The following PRPF31 variants were observed in gnomAD, a reference collection of about 807,000 sequenced individuals.
The protein encoded by PRPF31 is U4/U6 small nuclear ribonucleoprotein Prp31.
PRPF31 carries 12 observed loss-of-function variants against 60.4 expected under a neutral mutation model. The observed-to-expected ratio is 0.20, with a 90% CI of 0.13 to 0.32. The LOEUF is 0.32. Among genes scored for constraint, PRPF31 ranks in the 10% least tolerant of loss-of-function variants. The pLI is 1.00. For missense variants in PRPF31, 431 were observed against 687.1 expected (o/e 0.63, Z 4.17); for synonymous variants, 287 against 287.9 (o/e 1.00, Z 0.03).
chr19:54,115,847 G>C (rs1368057067), intron 1 of PRPF31, 50 bp downstream of exon 1: 2 of 205,474 alleles, frequency 9.7e-6, no homozygotes, highest in Non-Finnish European at 2.0e-5. Context: ...TCCTGGGTCT[G>C]GGAGAAGAAG....
Position 54,126,732 on chromosome 19 carries a change from G to A in PRPF31, c.945+115G>A, listed in dbSNP as rs587731779. On this transcript the variant is annotated intron_variant, in intron 9 of 13. Coordinates refer to ENST00000321030, the MANE Select transcript of PRPF31 (RefSeq NM_015629.4). Reference sequence around the variant, plus strand: ...CCAGCGAGCACTGTCCTACCAAGGCGGAGGCAGTGCTTCTGCCCACCCTCC... The same window carrying A: ...CCAGCGAGCACTGTCCTACCAAGGCAGAGGCAGTGCTTCTGCCCACCCTCC... 1.3e-4 allele frequency: 138 copies of A among 1,069,236 alleles called. 1 individual carries two copies. The highest frequency in any genetic ancestry group is 7.3e-4 in the Middle Eastern group (3 of 4,106). 66.2% of individuals were successfully genotyped at this position (1,069,236 alleles called of 1,614,324 possible).
At chr19:54,122,469 C>T (rs376622460) in intron 4 of PRPF31, 28 bp from the exon 5 acceptor site, 34 of 1,559,802 alleles carry the variant, frequency 2.2e-5, no homozygotes, top group African/African-American at 2.0e-4. Context: ...CCATCTCACC[C>T]GACAACCTCC....
At chr19:54,121,985 C>T (rs1002127843) in intron 4 of PRPF31, 42 bp downstream of exon 4, 1 of 1,548,226 alleles carries the variant, frequency 6.5e-7, no homozygotes. Flanking sequence ...CGTGTGACGT[C>T]CCTCACGCCC....
At chr19:54,126,801 G>C (rs2073933100) in intron 9 of PRPF31, among the ~76,000 whole-genome samples, 184 bp downstream of exon 9, 1 of 152,194 alleles carries the variant, frequency 6.6e-6, no homozygotes, top group Non-Finnish European at 1.5e-5. Context: ...TCCTAGGTCT[G>C]CTGTTGGAAG....
intron 8 of PRPF31, among the ~76,000 whole-genome samples, chr19:54,126,231 A>C (rs1306887252): frequency 6.6e-6 from 1 of 152,222 alleles, no homozygotes; most frequent in Non-Finnish European, 1.5e-5. Flanking sequence ...GCTGGCATCC[A>C]GGCCGAGTGC....
At chr19:54,118,902 C>T in intron 3 of PRPF31, 2 of 530,816 alleles carry the variant, frequency 3.8e-6, no homozygotes, top group East Asian at 3.0e-5. Flanking sequence ...ATTCACATGA[C>T]CGGTTACAGG....
chr19:54,118,659 C>T lies in PRPF31; in HGVS notation c.238+26C>T, dbSNP rs780742129. On this transcript the variant is annotated intron_variant, in intron 3 of 13. Transcript: ENST00000321030. ...GTGCTTCCTCCCACTCTGTGCCCCT[C>T]CCCATCTCCTGTCTCTCCTGCCAGG... 10 of 1,612,062 alleles carry T rather than the reference C, an allele frequency of 6.2e-6. No individual in the cohort carries two copies. In the South Asian group the frequency reaches 9.9e-5, roughly 16 times the overall value.
intron 1 of PRPF31, among the ~76,000 whole-genome samples, chr19:54,116,402 C>T (rs1454860365): frequency 6.6e-6 from 1 of 151,934 alleles, no homozygotes. Flanking sequence ...GACGGGGTTT[C>T]ACTATGTTGG....
intron 9 of PRPF31, 137 bp from the exon 10 acceptor site, chr19:54,127,936 A>T: frequency 8.1e-7 from 1 of 1,240,770 alleles, no homozygotes; most frequent in Non-Finnish European, 1.1e-6. Flanking sequence ...AAGAAGAAAA[A>T]GAAAGGGGGT....
chr19:54,123,651 T>TACACATATGCACACACAC, intron 6 of PRPF31, 91 bp downstream of exon 6: 2 of 1,592,256 alleles, frequency 1.3e-6, no homozygotes. Context: ...CACACACACA[T>TACACATATGCACACACAC]ACACACATGC....
chr19:54,121,964 G>A lies in PRPF31; in HGVS notation c.322+21G>A, dbSNP rs587672380. 6.6e-4 allele frequency: 1,050 copies of A among 1,601,260 alleles called. 20 individuals are homozygous for A. In the South Asian group the frequency reaches 0.01, roughly 16 times the overall value. On this transcript the variant is annotated intron_variant, in intron 4 of 13. Transcript: ENST00000321030. ...GCTGAGTGAGTGCTGGGGGGCAGGCGGAGACAGCCCCGTGTGACGTCCCTC... is the reference window on the plus strand; with the variant it reads ...GCTGAGTGAGTGCTGGGGGGCAGGCAGAGACAGCCCCGTGTGACGTCCCTC...
intron 4 of PRPF31, 81 bp from the exon 5 acceptor site, chr19:54,122,416 G>T: frequency 1.9e-6 from 2 of 1,029,762 alleles, no homozygotes; most frequent in South Asian, 2.5e-5. Context: ...ACTAAAGGAA[G>T]AAGGGGACAT....
At chr19:54,130,732 A>C (rs1321972252) in intron 13 of PRPF31, among the ~76,000 whole-genome samples, 3 of 151,944 alleles carry the variant, frequency 2.0e-5, no homozygotes, top group Admixed American at 2.0e-4. Flanking sequence ...GGCCTCTTTG[A>C]GAAGATGAGG....
At chr19:54,123,723 G>A in intron 6 of PRPF31, 26 bp from the exon 7 acceptor site, 2 of 1,599,906 alleles carry the variant, frequency 1.3e-6, no homozygotes, top group South Asian at 1.1e-5. Flanking sequence ...GGAGACCCAG[G>A]AGGCTGGGCC....
In PRPF31 at chr19:54,123,522, C is replaced by T. The variant is rs1302455911; in HGVS notation, c.489C>T (p.Thr163=). The T allele has an allele frequency of 6.2e-7, 1 of 1,614,232 alleles. No individual in the cohort carries two copies. Among genetic ancestry groups the T allele is most frequent in the Admixed American group, 1.7e-5 (1 of 60,026 alleles). Residue 163 remains threonine, a synonymous_variant, in exon 6 of 14, where the codon ACC becomes ACT. Coordinates refer to ENST00000321030, the MANE Select transcript of PRPF31 (RefSeq NM_015629.4). ...ENLQQILTNA[T]IMVVSVTAST... The stretch of plus-strand genomic sequence containing the variant: ...TGCAGCAGATCCTCACCAATGCCAC[C>T]ATCATGGTCGTCAGCGTCACCGCCT...
chr19:54,123,640 G>GCACA (rs2073846958), intron 6 of PRPF31, 80 bp downstream of exon 6: 3 of 1,598,596 alleles, frequency 1.9e-6, no homozygotes, highest in Admixed American at 1.7e-5. Flanking sequence ...GTGTACACAC[G>GCACA]CACACACACA....
At position 54,131,387 on chromosome 19, in the gene PRPF31, G is replaced by A; in HGVS notation, c.1455G>A (p.Glu485=). 1.9e-6 allele frequency: 3 copies of A among 1,614,128 alleles called. No individual in the cohort carries two copies. Among genetic ancestry groups the A allele is most frequent in the Non-Finnish European group, 1.7e-6 (2 of 1,180,036 alleles). The change falls in exon 14 of 14, where the codon GAG becomes GAA. Residue 485 remains glutamate, a synonymous_variant. Transcript: ENST00000321030. The part of the protein sequence containing the change: ...ANQKYFSSMA[E]FLKVKGEKSG... ...AGAAGTATTTCTCCAGCATGGCTGAGTTCCTCAAGGTCAAGGGCGAGAAGA... is the reference window on the plus strand; with the variant it reads ...AGAAGTATTTCTCCAGCATGGCTGAATTCCTCAAGGTCAAGGGCGAGAAGA...
At chr19:54,123,309 C>A (rs189208653) in intron 5 of PRPF31, 145 bp from the exon 6 acceptor site, 5 of 726,656 alleles carry the variant, frequency 6.9e-6, no homozygotes, top group Non-Finnish European at 1.3e-5. Flanking sequence ...ATGCTTCAGG[C>A]GGTGGAGGCA....
rs2146420308 is a variant in PRPF31, at chr19:54,123,736, C to T, written c.528-13C>T. On this transcript the variant is annotated splice_polypyrimidine_tract_variant and intron_variant, in intron 6 of 13. Coordinates refer to ENST00000321030, the MANE Select transcript of PRPF31 (RefSeq NM_015629.4). ...CGGGAGACCCAGGAGGCTGGGCCCA[C>T]CCGCCCCTGCAGGCAGCAGCTGTCG... is the stretch of plus-strand genomic sequence containing the variant. 6.2e-7 allele frequency: 1 copy of T among 1,604,516 alleles called. No homozygotes were observed. The highest frequency in any genetic ancestry group is 1.1e-5 in the South Asian group (1 of 90,716).
Sources: allele counts gnomAD v4.1 joint callset (sites outside exome capture counted in the v4.1 genomes callset), GRCh38; gene constraint gnomAD v4.1.1; transcripts MANE v1.5; gene names NCBI Gene and HGNC (gene_info 2026-07-23, HGNC 2026-07-21).